Variants in NYAP2 observed in about 807,000 individuals in gnomAD.
The protein encoded by NYAP2 is neuronal tyrosine-phosphorylated phosphoinositide-3-kinase adaptor 2, also known as neuronal tyrosine-phosphorylated phosphoinositide-3-kinase adapter 2.
A neutral mutation model predicts 50.4 loss-of-function variants in NYAP2; 23 were observed. The observed-to-expected ratio is 0.46, with a 90% CI of 0.33 to 0.65. The LOEUF (loss-of-function observed/expected upper bound fraction) is 0.65, where lower values mean the gene tolerates loss of function less well. Among genes scored for constraint, NYAP2 ranks in the 30% least tolerant of loss-of-function variants. The pLI is 0.02. For missense variants in NYAP2, 885 were observed against 861.0 expected (o/e 1.03, Z -0.35); for synonymous variants, 394 against 365.2 (o/e 1.08, Z -0.90).
chr2:225,572,070 A>G (rs1216182733), intron 4 of NYAP2, among the ~76,000 whole-genome samples: 2 of 152,146 alleles, frequency 1.3e-5, no homozygotes, highest in African/African-American at 2.4e-5. Context: ...CTCATCTCCA[A>G]CTGAGACCAC....
chr2:225,492,859 C>T (rs1690432538), intron 3 of NYAP2, among the ~76,000 whole-genome samples: 2 of 152,166 alleles, frequency 1.3e-5, no homozygotes, highest in Admixed American at 6.5e-5. Context: ...GATCCAAATA[C>T]CTCCTATGAG....
At chr2:225,651,319 G>A in intron 6 of NYAP2, 113 bp from the exon 7 acceptor site, 1 of 1,382,434 alleles carries the variant, frequency 7.2e-7, no homozygotes, top group Non-Finnish European at 1.0e-6. Flanking sequence ...AACATCAGGA[G>A]CATTTTGTAT....
intron 6 of NYAP2, among the ~76,000 whole-genome samples, chr2:225,638,833 A>G (rs1354366263): frequency 6.6e-6 from 1 of 152,180 alleles, no homozygotes; most frequent in Non-Finnish European, 1.5e-5. Flanking sequence ...GAGAGCAGGC[A>G]TTGTGGGGAC....
chr2:225,665,477 G>A, the NYAP2 span, among the ~76,000 whole-genome samples: 4 of 151,924 alleles, frequency 2.6e-5, no homozygotes, highest in Non-Finnish European at 5.9e-5. Context: ...TCACAAAAAT[G>A]GAGCGTTTTA....
At chr2:225,461,122 T>C (rs1198203173) in intron 3 of NYAP2, among the ~76,000 whole-genome samples, 1 of 152,152 alleles carries the variant, frequency 6.6e-6, no homozygotes, top group African/African-American at 2.4e-5. Flanking sequence ...ATAGTTCTGC[T>C]TAAAGCTAAA....
the NYAP2 span, among the ~76,000 whole-genome samples, chr2:225,673,906 T>A: frequency 6.6e-6 from 1 of 152,138 alleles, no homozygotes; most frequent in Admixed American, 6.5e-5. Flanking sequence ...CAGTCCTCTG[T>A]TTCCCTTTTA....
chr2:225,597,865 A>C (rs1692632523), intron 5 of NYAP2, among the ~76,000 whole-genome samples: 1 of 152,104 alleles, frequency 6.6e-6, no homozygotes, highest in African/African-American at 2.4e-5. Flanking sequence ...CTTTAGATAC[A>C]TGTAAAAAAA....
chr2:225,655,885 T>TACACACACACACACACACACACAC (rs372646871), downstream of NYAP2, among the ~76,000 whole-genome samples: 19 of 121,140 alleles, frequency 1.6e-4, no homozygotes, highest in African/African-American at 5.6e-4. Context: ...CAACCTCCAC[T>TACACACACACACACACACACACAC]ACACACACAC....
chr2:225,418,629 G>A (rs977159997), intron 3 of NYAP2, among the ~76,000 whole-genome samples: 1 of 152,146 alleles, frequency 6.6e-6, no homozygotes, highest in African/African-American at 2.4e-5. Context: ...ATCATGTTTG[G>A]TGAGAAAAGT....
intron 3 of NYAP2, among the ~76,000 whole-genome samples, chr2:225,511,014 C>T (rs1690803726): frequency 6.6e-6 from 1 of 152,096 alleles, no homozygotes; most frequent in South Asian, 2.1e-4. Context: ...GCATAAATTT[C>T]CCCAGCTGGC....
intron 4 of NYAP2, among the ~76,000 whole-genome samples, chr2:225,568,607 C>T (rs1388451815): frequency 2.0e-5 from 3 of 152,326 alleles, no homozygotes; most frequent in South Asian, 4.1e-4. Flanking sequence ...ATTCTAGTCA[C>T]TTTACCCTAA....
exon 7 of NYAP2, chr2:225,651,708 T>C (rs79724227): frequency 3.5e-6 from 3 of 854,696 alleles, no homozygotes; most frequent in Non-Finnish European, 3.6e-6. Flanking sequence ...GTGTTTTCAT[T>C]TGAAAAAGAA....
chr2:225,659,171 C>T, the NYAP2 span, among the ~76,000 whole-genome samples: 3 of 152,210 alleles, frequency 2.0e-5, no homozygotes, highest in East Asian at 1.9e-4. Flanking sequence ...TGCCTGTTAT[C>T]TAACTCTGCT....
At chr2:225,464,991 G>T (rs1574628375) in intron 3 of NYAP2, among the ~76,000 whole-genome samples, 1 of 152,152 alleles carries the variant, frequency 6.6e-6, no homozygotes, top group Admixed American at 6.5e-5. Context: ...TCAATTACTG[G>T]CAAAAGTTAT....
chr2:225,645,236 CA>C (rs1693609505), intron 6 of NYAP2, among the ~76,000 whole-genome samples: 1 of 119,914 alleles, frequency 8.3e-6, no homozygotes, highest in South Asian at 2.7e-4. Context: ...CCAGCCTGGG[CA>C]GAAAAAAAAA....
At chr2:225,589,955 A>G (rs1454780073) in intron 5 of NYAP2, among the ~76,000 whole-genome samples, 5 of 151,954 alleles carry the variant, frequency 3.3e-5, no homozygotes, top group Admixed American at 6.6e-5. Flanking sequence ...GATGTACGGT[A>G]ACTTGGAGCA....
At chr2:225,523,067 T>G (rs1691094761) in intron 4 of NYAP2, among the ~76,000 whole-genome samples, 1 of 152,060 alleles carries the variant, frequency 6.6e-6, no homozygotes, top group Non-Finnish European at 1.5e-5. Flanking sequence ...CTTACAGGTT[T>G]CCCAGATTAG....
At chr2:225,687,972 T>G in the NYAP2 span, among the ~76,000 whole-genome samples, 2 of 152,162 alleles carry the variant, frequency 1.3e-5, no homozygotes, top group Non-Finnish European at 2.9e-5. Flanking sequence ...TATAACTGCT[T>G]AAGACCCACC....
the NYAP2 span, among the ~76,000 whole-genome samples, chr2:225,668,369 T>C: frequency 6.6e-6 from 1 of 152,098 alleles, no homozygotes; most frequent in Non-Finnish European, 1.5e-5. Context: ...GAACACAACA[T>C]CAATAAGACT....
Sources: gnomAD v4.1 joint callset for allele counts (sites outside exome capture counted in the v4.1 genomes callset) on GRCh38, gnomAD v4.1.1 for gene constraint, MANE v1.5 for transcripts, NCBI Gene and HGNC (gene_info 2026-07-23, HGNC 2026-07-21) for gene names.